BCAR1: variants seen among roughly 807,000 people sequenced by gnomAD.
BCAR1 encodes the protein BCAR1 scaffold protein, Cas family member.
BCAR1 carries 30 observed loss-of-function variants against 67.6 expected under a neutral mutation model. That is an observed-to-expected ratio of 0.44 (90% CI 0.33 to 0.60). The LOEUF (loss-of-function observed/expected upper bound fraction) is 0.60. BCAR1 is among the 20% of genes least tolerant of loss of function. The probability of loss-of-function intolerance (pLI) is 0.02; values close to 1 mark genes in which losing one functional copy is unlikely to be tolerated. For missense variants in BCAR1, 1,313 were observed against 1,222.3 expected, an observed-to-expected ratio of 1.07 and a Z score of -1.11; for synonymous variants, 626 against 556.7, an observed-to-expected ratio of 1.12 and a Z score of -1.75.
intron 1 of BCAR1, among the ~76,000 whole-genome samples, chr16:75,243,729 G>A (rs960902669): frequency 1.3e-5 from 2 of 152,198 alleles, no homozygotes; most frequent in African/African-American, 4.8e-5. Context: ...TGTGGCCCAG[G>A]AGCCAAGCAG....
At chr16:75,266,027 C>A (rs377520691) in intron 1 of BCAR1, 59 of 996,994 alleles carry the variant, frequency 5.9e-5, no homozygotes, top group African/African-American at 5.5e-4. Context: ...GCGCCGCCCC[C>A]CCCACCGTCT....
intron 4 of BCAR1, 163 bp downstream of exon 4, chr16:75,236,719 G>A: frequency 2.3e-6 from 3 of 1,305,282 alleles, no homozygotes; most frequent in Non-Finnish European, 3.0e-6. Context: ...TCAGAAGACA[G>A]CTTGATTTCC....
At chr16:75,250,352 C>T (rs1169139046) in intron 1 of BCAR1, among the ~76,000 whole-genome samples, 1 of 152,138 alleles carries the variant, frequency 6.6e-6, no homozygotes, top group Non-Finnish European at 1.5e-5. Context: ...GGCCGGCCAG[C>T]CCCCACCACC....
chr16:75,245,757 C>CATA (rs1196029292), intron 1 of BCAR1, among the ~76,000 whole-genome samples: 2 of 152,090 alleles, frequency 1.3e-5, no homozygotes, highest in African/African-American at 4.8e-5. Flanking sequence ...GCTGCTGGTA[C>CATA]ACAACCGACC....
In BCAR1 at chr16:75,229,296, A is replaced by T; in HGVS notation, c.*215T>A. 1 of 761,588 alleles carries T rather than the reference A, an allele frequency of 1.3e-6. No homozygotes were observed. The highest frequency in any genetic ancestry group is 2.0e-6 in the Non-Finnish European group (1 of 512,258). 47.2% of individuals were successfully genotyped at this position (761,588 alleles called of 1,614,324 possible). A position where few individuals can be genotyped will look rare whatever the true frequency, so the allele number is the denominator to read the frequency against. Reference sequence around the variant, plus strand: ...CCCGTGGTGCATGCTGGGGAAGGCCACTGGCCGGCCCCTGGGCTTCGGCTC... The same window carrying T: ...CCCGTGGTGCATGCTGGGGAAGGCCTCTGGCCGGCCCCTGGGCTTCGGCTC... On this transcript the variant is annotated 3_prime_UTR_variant, in exon 7 of 7. Transcript: ENST00000162330.
At chr16:75,231,103 T>C (rs1643234033) in intron 6 of BCAR1, among the ~76,000 whole-genome samples, 1 of 151,806 alleles carries the variant, frequency 6.6e-6, no homozygotes, top group Admixed American at 6.6e-5. Context: ...CTAATCTTTT[T>C]TTTTTTTTTT....
intron 1 of BCAR1, chr16:75,266,575 C>T (rs1248747819): frequency 3.8e-6 from 2 of 522,392 alleles, no homozygotes; most frequent in Non-Finnish European, 5.9e-6. Flanking sequence ...TCAGCTGTTT[C>T]GCATCTACCA....
At chr16:75,254,439 G>A (rs1032107443), upstream of BCAR1, among the ~76,000 whole-genome samples, 1 of 152,234 alleles carries the variant, frequency 6.6e-6, no homozygotes, top group Non-Finnish European at 1.5e-5. Flanking sequence ...AACATTTGTT[G>A]ACTGGGTGGG....
chr16:75,234,182 C>T (rs2077013378), intron 5 of BCAR1, among the ~76,000 whole-genome samples: 1 of 149,950 alleles, frequency 6.7e-6, no homozygotes, highest in Admixed American at 6.6e-5. Context: ...CACACACACA[C>T]ACACACACAC....
At chr16:75,248,068 A>G (rs751819661) in intron 1 of BCAR1, 3 of 1,569,706 alleles carry the variant, frequency 1.9e-6, no homozygotes, top group South Asian at 1.1e-5. Context: ...ATCTTACTAG[A>G]CAGGAAAACC....
At chr16:75,254,020 C>T (rs946045900), upstream of BCAR1, among the ~76,000 whole-genome samples, 6 of 151,164 alleles carry the variant, frequency 4.0e-5, no homozygotes, top group East Asian at 2.0e-4. Context: ...AGGCTGGTCT[C>T]GAACTCCTGA....
intron 6 of BCAR1, 115 bp from the exon 7 acceptor site, chr16:75,230,138 A>G: frequency 7.6e-7 from 1 of 1,310,666 alleles, no homozygotes; most frequent in Non-Finnish European, 1.0e-6. Flanking sequence ...CTCAGAGTGC[A>G]TGGGACTGCA....
At chr16:75,236,060 CCACACACACACA>C in intron 4 of BCAR1, 74 bp from the exon 5 acceptor site, 2 of 1,367,860 alleles carry the variant, frequency 1.5e-6, no homozygotes, top group African/African-American at 1.5e-5. Context: ...CAGCACCCAG[CCACACACACACA>C]CACACGTACA....
chr16:75,252,019 C>G, upstream of BCAR1: 3 of 672,990 alleles, frequency 4.5e-6, no homozygotes, highest in Non-Finnish European at 5.0e-6. Context: ...CGCTAACCAA[C>G]CCCAGGGCAT....
intron 2 of BCAR1, chr16:75,239,108 T>G: frequency 1.0e-6 from 1 of 985,360 alleles, no homozygotes; most frequent in East Asian, 1.1e-4. Flanking sequence ...GACCAAATGT[T>G]TCTGTTAGAA....
chr16:75,250,914 C>A, intron 1 of BCAR1: 1 of 985,516 alleles, frequency 1.0e-6, no homozygotes, highest in Non-Finnish European at 1.2e-6. Flanking sequence ...GCTCCGCTCC[C>A]GGAACCCCGC....
chr16:75,240,880 G>A (rs1391628392), intron 2 of BCAR1, among the ~76,000 whole-genome samples: 1 of 152,248 alleles, frequency 6.6e-6, no homozygotes. Flanking sequence ...CAGGCCCCCT[G>A]CCGGAGACGG....
At chr16:75,238,805 G>A in intron 2 of BCAR1, 1 of 985,582 alleles carries the variant, frequency 1.0e-6, no homozygotes, top group Non-Finnish European at 1.2e-6. Context: ...CCTGCCAACA[G>A]CGGGGCAGGC....
Position 75,229,692 on chromosome 16 carries a change from T to C in BCAR1, c.2432A>G (p.Gln811Arg), listed in dbSNP as rs142084791. 17 of 1,612,772 alleles carry C rather than the reference T, an allele frequency of 1.1e-5. No homozygotes were observed. The highest frequency in any genetic ancestry group is 4.0e-5 in the African/African-American group (3 of 74,942). Residue 811 changes from glutamine to arginine, a missense_variant, in exon 7 of 7, where the codon CAG (glutamine) becomes CGG (arginine). By Grantham distance (43) the Gln-to-Arg change is conservative. Transcript: ENST00000162330. ...RQAKAADVRS[Q>R]VTHYSNLLCD... ...CAGCAGGTTGCTGTAGTGGGTCACC[T>C]GGCTGCGCACGTCAGCAGCCTTGGC...
Sources: allele counts gnomAD v4.1 joint callset (sites outside exome capture counted in the v4.1 genomes callset), GRCh38; gene constraint gnomAD v4.1.1; transcripts MANE v1.5; gene names NCBI Gene and HGNC (gene_info 2026-07-23, HGNC 2026-07-21).